The following VWF variants were observed in gnomAD, a reference collection of about 807,000 sequenced individuals.
VWF encodes Factor VIII related antigen.
Under a neutral mutation model 308.6 loss-of-function variants are expected in VWF, and 176 were observed. The ratio of observed to expected loss-of-function variants is 0.57; its 90% CI spans 0.50 to 0.65. The LOEUF (loss-of-function observed/expected upper bound fraction) is 0.65, where lower values mean the gene tolerates loss of function less well. Ranked by LOEUF, VWF falls within the 30% of genes least tolerant of loss-of-function variation. The pLI, the probability that VWF is intolerant of heterozygous loss-of-function variation, is 0.00. For synonymous variants in VWF, 1,385 were observed against 1,443.4 expected, an observed-to-expected ratio of 0.96 and a Z score of 0.92; for missense variants, 3,146 against 3,648.2, an observed-to-expected ratio of 0.86 and a Z score of 3.55.
intron 36 of VWF, 21 bp from the exon 37 acceptor site, chr12:5,994,224 A>C (rs1484594666): frequency 2.5e-6 from 4 of 1,613,734 alleles, no homozygotes; most frequent in Non-Finnish European, 3.4e-6. Flanking sequence ...AAACAAACAA[A>C]AAAAAGATAA....
intron 34 of VWF, among the ~76,000 whole-genome samples, chr12:6,005,961 A>G (rs1202920412): frequency 6.7e-6 from 1 of 149,152 alleles, no homozygotes. Context: ...AAACAAATAT[A>G]GAATATTTTA....
chr12:5,998,302 TC>T (rs1383092228), intron 34 of VWF, among the ~76,000 whole-genome samples: 1 of 150,310 alleles, frequency 6.7e-6, no homozygotes, highest in Non-Finnish European at 1.5e-5. Flanking sequence ...ATCGAGACCA[TC>T]CTGGCTAACA....
intron 5 of VWF, among the ~76,000 whole-genome samples, chr12:6,106,428 C>A (rs1390128003): frequency 2.0e-5 from 3 of 152,022 alleles, no homozygotes; most frequent in African/African-American, 4.8e-5. Context: ...TTTCCAGGAG[C>A]CCAGAGGGAA....
intron 42 of VWF, among the ~76,000 whole-genome samples, chr12:5,978,250 A>G (rs1943553848): frequency 6.6e-6 from 1 of 151,716 alleles, no homozygotes; most frequent in Admixed American, 6.6e-5. Context: ...AGAAGAACTG[A>G]AAGGAAATTT....
At position 6,075,802 on chromosome 12, in the gene VWF, C is replaced by T. The variant is rs535155189; in HGVS notation, c.658-251G>A. Among the ~76,000 whole-genome samples, 51 of 152,346 alleles carry T rather than the reference C, an allele frequency of 3.3e-4. 1 individual carries two copies. The South Asian group carries it at 9.5e-3, about 28-fold the overall frequency. On this transcript the variant is annotated intron_variant, in intron 6 of 51. Coordinates refer to ENST00000261405, the MANE Select transcript of VWF (RefSeq NM_000552.5). The surrounding 1 kb of genome is among the most constrained non-coding windows in gnomAD (Gnocchi z 4.7). ...AGTCCTGGAAATGCAGAGTCCAAGG[C>T]CCTGGATTGCCATGGTGGGCAGTGT...
At chr12:6,105,387 C>T (rs1411930999) in intron 5 of VWF, among the ~76,000 whole-genome samples, 1 of 152,036 alleles carries the variant, frequency 6.6e-6, no homozygotes, top group African/African-American at 2.4e-5. Context: ...TGCTACCACC[C>T]CCAGCTAATT....
At chr12:6,016,274 C>T (rs1442380224) in intron 30 of VWF, 42 bp from the exon 31 acceptor site, 5 of 1,613,786 alleles carry the variant, frequency 3.1e-6, no homozygotes, top group African/African-American at 2.7e-5. Context: ...GTACTGACTG[C>T]GGCTCGACAC....
At chr12:6,012,743 C>T (rs1002201677) in intron 32 of VWF, among the ~76,000 whole-genome samples, 3 of 150,570 alleles carry the variant, frequency 2.0e-5, no homozygotes, top group Admixed American at 6.6e-5. Flanking sequence ...ACTCTGTTGC[C>T]CAGGCTGGAG....
intron 43 of VWF, among the ~76,000 whole-genome samples, chr12:5,973,666 G>A (rs1297083102): frequency 2.0e-5 from 3 of 152,186 alleles, no homozygotes; most frequent in Non-Finnish European, 4.4e-5. Flanking sequence ...CCCATTCCCT[G>A]GGGTGGCCCT....
chr12:6,003,147 A>G (rs1335353291), intron 34 of VWF, among the ~76,000 whole-genome samples: 2 of 152,252 alleles, frequency 1.3e-5, no homozygotes, highest in Non-Finnish European at 2.9e-5. Context: ...AAATTTCAAT[A>G]AAGAAATTGA....
chr12:6,118,742 C>T (rs780121937), intron 3 of VWF, among the ~76,000 whole-genome samples: 2 of 152,138 alleles, frequency 1.3e-5, no homozygotes, highest in African/African-American at 2.4e-5. Context: ...ACCCCAGAGC[C>T]ATCACAGGTA....
intron 3 of VWF, among the ~76,000 whole-genome samples, chr12:6,120,943 G>A (rs952615317): frequency 6.6e-6 from 1 of 152,156 alleles, no homozygotes; most frequent in Non-Finnish European, 1.5e-5. Context: ...CGGACACAGT[G>A]GACTACCAAA....
chr12:6,118,376 C>CTTTTTT (rs71064189), intron 3 of VWF, among the ~76,000 whole-genome samples: 1 of 65,486 alleles, frequency 1.5e-5, no homozygotes, highest in Non-Finnish European at 3.1e-5. Flanking sequence ...CCTCTGGTCA[C>CTTTTTT]TTTTTTTTTT....
intron 10 of VWF, among the ~76,000 whole-genome samples, chr12:6,068,359 T>A (rs1231355741): frequency 6.6e-6 from 1 of 151,956 alleles, no homozygotes; most frequent in Non-Finnish European, 1.5e-5. Context: ...CCCAAAGCCT[T>A]CCCTGCAGAA....
intron 7 of VWF, among the ~76,000 whole-genome samples, chr12:6,074,395 C>G (rs1944816132): frequency 1.3e-5 from 2 of 151,024 alleles, no homozygotes; most frequent in Admixed American, 1.3e-4. Context: ...CACATAAGCA[C>G]TCTTTTCTGG....
chr12:5,952,796 AT>A (rs1943207144), intron 48 of VWF, among the ~76,000 whole-genome samples: 3 of 152,218 alleles, frequency 2.0e-5, no homozygotes. Flanking sequence ...TGGCTAGCTG[AT>A]AACTGAACTA....
chr12:5,958,783 T>C (rs553232545), intron 47 of VWF, among the ~76,000 whole-genome samples: 2 of 152,332 alleles, frequency 1.3e-5, no homozygotes, highest in African/African-American at 4.8e-5. Context: ...TTGATCCCTC[T>C]GCTTGGATAA....
intron 23 of VWF, 75 bp downstream of exon 23, chr12:6,025,831 C>T (rs1944184300): frequency 1.2e-6 from 2 of 1,611,364 alleles, no homozygotes; most frequent in South Asian, 1.1e-5. Flanking sequence ...CTTCCAGCCC[C>T]CATGACAATG....
At chr12:5,995,030 T>A (rs763432811) in intron 35 of VWF, among the ~76,000 whole-genome samples, 10 of 152,224 alleles carry the variant, frequency 6.6e-5, no homozygotes, top group African/African-American at 9.6e-5. Context: ...TGCTTCTCTG[T>A]GGTGGTGGAT....
Sources: allele counts gnomAD v4.1 joint callset (sites outside exome capture counted in the v4.1 genomes callset), GRCh38; gene constraint gnomAD v4.1.1; non-coding constraint Gnocchi (gnomAD v3.1); transcripts MANE v1.5; gene names NCBI Gene and HGNC (gene_info 2026-07-23, HGNC 2026-07-21).